ZSCAN20: variants seen among roughly 807,000 people sequenced by gnomAD.
ZSCAN20 encodes zinc finger and SCAN domain containing 20.
A neutral mutation model predicts 97.1 loss-of-function variants in ZSCAN20; 39 were observed. That is an observed-to-expected ratio of 0.40 (90% CI 0.31 to 0.52). ZSCAN20 has a LOEUF of 0.52. Among genes scored for constraint, ZSCAN20 ranks in the 20% least tolerant of loss-of-function variants. ZSCAN20 has a pLI of 0.49. For synonymous variants in ZSCAN20, 456 were observed against 467.3 expected, an observed-to-expected ratio of 0.98 and a Z score of 0.31; for missense variants, 1,115 against 1,290.4, an observed-to-expected ratio of 0.86 and a Z score of 2.08.
intron 1 of ZSCAN20, among the ~76,000 whole-genome samples, chr1:33,474,768 C>T (rs1651857715): frequency 6.6e-6 from 1 of 152,208 alleles, no homozygotes; most frequent in South Asian, 2.1e-4. Context: ...AATCAGCAGG[C>T]TTAGGAATAT....
intron 2 of ZSCAN20, among the ~76,000 whole-genome samples, chr1:33,485,944 T>G (rs1652347814): frequency 6.6e-6 from 1 of 152,198 alleles, no homozygotes; most frequent in African/African-American, 2.4e-5. Flanking sequence ...TGCCAGTGCT[T>G]CTCAATTTTT....
Position 33,498,438 on chromosome 1 carries a change from C to T in ZSCAN20, c.*2962C>T, listed in dbSNP as rs543612552. Among the ~76,000 whole-genome samples, 175 of 152,344 alleles carry T rather than the reference C, an allele frequency of 1.1e-3. No individual in the cohort carries two copies. The highest frequency in any genetic ancestry group is 2.4e-3 in the Non-Finnish European group (161 of 68,042). ...CAGGTGGTCCCTTCCTCCTTGTCTACCTGACTTCCTTTGGAAGAAGCACTC... is the reference window on the plus strand; with the variant it reads ...CAGGTGGTCCCTTCCTCCTTGTCTATCTGACTTCCTTTGGAAGAAGCACTC... On this transcript the variant is annotated 3_prime_UTR_variant, in exon 8 of 8. Coordinates refer to ENST00000684572, the MANE Select transcript of ZSCAN20 (RefSeq NM_001377376.1).
In ZSCAN20 at chr1:33,493,642, C is replaced by T. The variant is rs1652718868; in HGVS notation, c.1873+27C>T. 1.3e-6 allele frequency: 2 copies of T among 1,521,496 alleles called. No homozygotes were observed. The highest frequency in any genetic ancestry group is 1.3e-5 in the South Asian group (1 of 75,684). 94.2% of individuals were successfully genotyped at this position (1,521,496 alleles called of 1,614,324 possible). A position where few individuals can be genotyped will look rare whatever the true frequency, so the allele number is the denominator to read the frequency against. Reference sequence around the variant, plus strand: ...TAAGCCTGGAGTAATTGGATGTTCTCAAAATCTGTGGGCATGTGGAGAGAA... The same window carrying T: ...TAAGCCTGGAGTAATTGGATGTTCTTAAAATCTGTGGGCATGTGGAGAGAA... On this transcript the variant is annotated intron_variant, in intron 7 of 7. Transcript: ENST00000684572. This position sits in a 1 kb window ranked among gnomAD's most constrained non-coding sequence, Gnocchi z 4.3.
intron 2 of ZSCAN20, among the ~76,000 whole-genome samples, chr1:33,480,916 A>G (rs967090213): frequency 2.0e-5 from 3 of 152,206 alleles, no homozygotes; most frequent in African/African-American, 7.2e-5. Context: ...TCTACTTGTT[A>G]TAGTTAGTAA....
At chr1:33,494,071 A>T in intron 7 of ZSCAN20, 147 bp from the exon 8 acceptor site, 3 of 720,426 alleles carry the variant, frequency 4.2e-6, no homozygotes, top group Non-Finnish European at 6.5e-6. Context: ...ATTTCTTGTT[A>T]GTCACATTTA....
chr1:33,473,733 C>T (rs1231851950), intron 1 of ZSCAN20, among the ~76,000 whole-genome samples: 1 of 152,158 alleles, frequency 6.6e-6, no homozygotes, highest in South Asian at 2.1e-4. Flanking sequence ...CACCCCCAAC[C>T]CTCAGCTCCC....
At chr1:33,489,329 C>A in intron 4 of ZSCAN20, 138 bp downstream of exon 4, 1 of 1,079,104 alleles carries the variant, frequency 9.3e-7, no homozygotes, top group South Asian at 1.5e-5. Flanking sequence ...GCCCTTCACC[C>A]CCAGCCTGCT....
intron 1 of ZSCAN20, among the ~76,000 whole-genome samples, chr1:33,475,532 C>T (rs1651888035): frequency 6.6e-6 from 1 of 152,218 alleles, no homozygotes; most frequent in Non-Finnish European, 1.5e-5. Context: ...GAAAGAGAGG[C>T]ACGAGGGAAT....
intron 5 of ZSCAN20, among the ~76,000 whole-genome samples, chr1:33,490,731 A>G (rs957875199): frequency 5.3e-5 from 8 of 151,722 alleles, no homozygotes; most frequent in Admixed American, 2.0e-4. Flanking sequence ...AATTGGGCCA[A>G]TTTAGGCCAT....
chr1:33,480,614 A>G (rs1652118398), intron 2 of ZSCAN20, among the ~76,000 whole-genome samples: 1 of 152,204 alleles, frequency 6.6e-6, no homozygotes, highest in South Asian at 2.1e-4. Context: ...CAACCCAGCA[A>G]TCCAATAAGG....
rs1317806414 is a variant in ZSCAN20, at chr1:33,498,444, T to C, written c.*2968T>C. Among the ~76,000 whole-genome samples the C allele has an allele frequency of 1.3e-5, 2 of 152,206 alleles. No homozygotes were observed. The highest frequency in any genetic ancestry group is 2.9e-5 in the Non-Finnish European group (2 of 68,034). ...GTCCCTTCCTCCTTGTCTACCTGAC[T>C]TCCTTTGGAAGAAGCACTCTTTCAG... is the stretch of plus-strand genomic sequence containing the variant. On this transcript the variant is annotated 3_prime_UTR_variant, in exon 8 of 8. Transcript: ENST00000684572.
chr1:33,486,035 C>T (rs1652352986), intron 2 of ZSCAN20, among the ~76,000 whole-genome samples: 1 of 152,128 alleles, frequency 6.6e-6, no homozygotes, highest in African/African-American at 2.4e-5. Flanking sequence ...GCAGAGGGAG[C>T]TGGAATTGCA....
In ZSCAN20 at chr1:33,485,533, CTG is replaced by C. The variant is rs1557439359; in HGVS notation, c.418-2930_418-2929del. On this transcript the variant is annotated intron_variant, in intron 2 of 7. Transcript: ENST00000684572. Reference sequence around the variant, plus strand: ...TAAGCAACCCTCCTGCCTCAGCCCCCTGTAGCTGGGACTACAGGACCACACCA... The same window carrying C: ...TAAGCAACCCTCCTGCCTCAGCCCCCTAGCTGGGACTACAGGACCACACCA... 5.3e-5 allele frequency among the ~76,000 whole-genome samples: 8 copies of C among 151,706 alleles called. No homozygotes were observed. In the South Asian group the frequency reaches 1.5e-3, roughly 28 times the overall value.
At chr1:33,489,230 C>T in intron 4 of ZSCAN20, 39 bp downstream of exon 4, 1 of 1,587,690 alleles carries the variant, frequency 6.3e-7, no homozygotes, top group South Asian at 1.1e-5. Flanking sequence ...GTCATTGCTG[C>T]TCCTGTGCTC....
Position 33,487,011 on chromosome 1 carries a change from T to A in ZSCAN20, c.418-1454T>A, listed in dbSNP as rs1416500481. ...ATGAAGATAGTTGTTATTATTTTGG[T>A]TCAAAAAAATAAGACTCAGAGCAGT... is the stretch of plus-strand genomic sequence containing the variant. On this transcript the variant is annotated intron_variant, in intron 2 of 7. Transcript: ENST00000684572. Among the ~76,000 whole-genome samples the A allele has an allele frequency of 5.3e-5, 8 of 152,326 alleles. No homozygotes were observed. In the East Asian group the frequency reaches 1.5e-3, roughly 29 times the overall value.
intron 2 of ZSCAN20, among the ~76,000 whole-genome samples, chr1:33,487,047 A>G (rs1162925764): frequency 6.6e-5 from 10 of 152,238 alleles, no homozygotes; most frequent in Admixed American, 5.9e-4. Flanking sequence ...ATATCTAGTC[A>G]TAAGTTTTTG....
At position 33,479,501 on chromosome 1, in the gene ZSCAN20, G is replaced by C. The variant is rs2148449381; in HGVS notation, c.213G>C (p.Gln71His). 1 of 1,613,380 alleles carries C rather than the reference G, an allele frequency of 6.2e-7. No homozygotes were observed. Among genetic ancestry groups the C allele is most frequent in the Middle Eastern group, 1.7e-4 (1 of 6,050 alleles). The change falls in exon 2 of 8, where the codon CAG becomes CAC. Residue 71 changes from glutamine (Q) to histidine (H), a missense_variant. Gln to His is a conservative substitution (Grantham distance 24). Around this residue, in one of 3 missense-constraint regions of ZSCAN20, gnomAD observed 508 missense variants for 611.2 expected, o/e 0.83. Coordinates refer to ENST00000684572, the MANE Select transcript of ZSCAN20 (RefSeq NM_001377376.1). ...CTGGACCCCACGAGGCCTTCAGCCA[G>C]CTCTGGGCTCTCTGCTGTCGTTGGC... ...DAAGPHEAFSQLWALCCRWLR... is the reference protein window; with the variant it reads ...DAAGPHEAFSHLWALCCRWLR...
rs541363117 is a variant in ZSCAN20 at position 33,497,622 on chromosome 1, C to G, written c.*2146C>G. Among the ~76,000 whole-genome samples the G allele has an allele frequency of 6.6e-6, 1 of 152,010 alleles. No homozygotes were observed. The highest frequency in any genetic ancestry group is 1.5e-5 in the Non-Finnish European group (1 of 67,912). On this transcript the variant is annotated 3_prime_UTR_variant, in exon 8 of 8. Coordinates refer to ENST00000684572, the MANE Select transcript of ZSCAN20 (RefSeq NM_001377376.1). ...GTTGAAATCTGACAGCTGAATGGAA[C>G]TTGGACATGCTGCAATTAGGATGGC...
At position 33,496,063 on chromosome 1, in the gene ZSCAN20, T is replaced by C. The variant is rs1163670196; in HGVS notation, c.*587T>C. 2 of 152,264 alleles carry C rather than the reference T, an allele frequency of 1.3e-5. No individual in the cohort carries two copies. The highest frequency in any genetic ancestry group is 4.8e-5 in the African/African-American group (2 of 41,460). 9.4% of individuals were successfully genotyped at this position (152,264 alleles called of 1,614,324 possible). ...TTGGCAAGCTCTGTGCTAAGAACTT[T>C]GTATACATCATCTCATTTAATCTTC... On this transcript the variant is annotated 3_prime_UTR_variant, in exon 8 of 8. Transcript: ENST00000684572.
Sources: allele counts gnomAD v4.1 joint callset (sites outside exome capture counted in the v4.1 genomes callset), GRCh38; gene constraint gnomAD v4.1.1; regional missense constraint gnomAD v4.1.1; non-coding constraint Gnocchi (gnomAD v3.1); transcripts MANE v1.5; gene names NCBI Gene and HGNC (gene_info 2026-07-23, HGNC 2026-07-21).